Variants in PTPN11 observed in about 807,000 individuals in gnomAD.
PTPN11 encodes protein tyrosine phosphatase non-receptor type 11.
Under a neutral mutation model 78.8 loss-of-function variants are expected in PTPN11, and 6 were observed. The observed-to-expected ratio is 0.08, with a 90% CI of 0.04 to 0.15. The LOEUF is 0.15. Ranked by LOEUF, PTPN11 falls within the 10% of genes least tolerant of loss-of-function variation. The probability of loss-of-function intolerance (pLI) is 1.00; values close to 1 mark genes in which losing one functional copy is unlikely to be tolerated. For synonymous variants in PTPN11, 221 were observed against 263.5 expected (o/e 0.84, Z 1.56); for missense variants, 386 against 744.8 (o/e 0.52, Z 5.61).
In PTPN11 at chr12:112,418,952, C is replaced by G; in HGVS notation, c.-160C>G. On this transcript the variant is annotated 5_prime_UTR_variant, in exon 1 of 16. Coordinates refer to ENST00000351677, the MANE Select transcript of PTPN11 (RefSeq NM_002834.5). ...GGGCCGGGGGGCAGCTGCACAGTCT[C>G]CGGGATCCCCAGGCCTGGAGGGGGG... 1.2e-6 allele frequency: 1 copy of G among 860,466 alleles called. No homozygotes were observed. The highest frequency in any genetic ancestry group is 1.8e-6 in the Non-Finnish European group (1 of 549,176). 53.3% of individuals were successfully genotyped at this position (860,466 alleles called of 1,614,324 possible). A position where few individuals can be genotyped will look rare whatever the true frequency, so the allele number is the denominator to read the frequency against.
chr12:112,494,204 A>C (rs2038787604), intron 13 of PTPN11, among the ~76,000 whole-genome samples: 1 of 152,208 alleles, frequency 6.6e-6, no homozygotes, highest in Non-Finnish European at 1.5e-5. Context: ...CAGTGAGCCA[A>C]GATGGTGCCA....
intron 6 of PTPN11, among the ~76,000 whole-genome samples, chr12:112,460,501 G>C (rs915465138): frequency 1.3e-5 from 2 of 151,964 alleles, no homozygotes; most frequent in African/African-American, 2.4e-5. Flanking sequence ...TCATTTTTCA[G>C]ATAAGCTTCA....
intron 13 of PTPN11, among the ~76,000 whole-genome samples, chr12:112,491,265 C>T (rs1452102646): frequency 7.0e-6 from 1 of 143,414 alleles, no homozygotes; most frequent in Non-Finnish European, 1.5e-5. Context: ...CTTCCAACTA[C>T]AGTAGTGAAA....
rs79532022 is a variant in PTPN11 at position 112,428,652 on chromosome 12, A to G, written c.14+9527A>G. On this transcript the variant is annotated intron_variant, in intron 1 of 15. Coordinates refer to ENST00000351677, the MANE Select transcript of PTPN11 (RefSeq NM_002834.5). ...TTTTGGTAATTATGAATACTTTTGG[A>G]AAAAAAAAAGCTATGGAAGGAAAGT... 1.4e-3 allele frequency among the ~76,000 whole-genome samples: 208 copies of G among 144,594 alleles called. 2 individuals are homozygous for G. The East Asian group carries it at 0.02, about 14-fold the overall frequency. The allele number at this position is 144,594 out of a possible 152,430, so 94.9% of individuals were successfully genotyped here.
intron 13 of PTPN11, among the ~76,000 whole-genome samples, chr12:112,499,548 C>T (rs2038849638): frequency 6.6e-6 from 1 of 152,058 alleles, no homozygotes; most frequent in South Asian, 2.1e-4. Flanking sequence ...CCATGTTGGC[C>T]AGGTTTGTCT....
Position 112,425,169 on chromosome 12 carries a change from A to AT in PTPN11, c.14+6048dup, listed in dbSNP as rs550562542. Among the ~76,000 whole-genome samples, 216 of 152,080 alleles carry AT rather than the reference A, an allele frequency of 1.4e-3. 2 individuals are homozygous for AT. Among genetic ancestry groups the AT allele is most frequent in the African/African-American group, 5.1e-3 (210 of 41,498 alleles). ...GTGCCCACCTAACAACTTTAAAAAA[A>AT]TTTTGACATTTAGTAGGATATTTAT... On this transcript the variant is annotated intron_variant, in intron 1 of 15. Transcript: ENST00000351677.
Position 112,447,129 on chromosome 12 carries a change from A to G in PTPN11, c.137+731A>G, listed in dbSNP as rs376048312. Among the ~76,000 whole-genome samples, 184 of 152,250 alleles carry G rather than the reference A, an allele frequency of 1.2e-3. 1 individual carries two copies. The highest frequency in any genetic ancestry group is 4.3e-3 in the African/African-American group (177 of 41,534). On this transcript the variant is annotated intron_variant, in intron 2 of 15. Transcript: ENST00000351677. ...AGTGATCCTCCTGCCTCAGCCTCCC[A>G]AAGTGTTGGGATTACAGGCATGAGC... is the stretch of plus-strand genomic sequence containing the variant.
At chr12:112,464,473 C>T (rs1199975007) in intron 6 of PTPN11, among the ~76,000 whole-genome samples, 1 of 152,038 alleles carries the variant, frequency 6.6e-6, no homozygotes, top group Non-Finnish European at 1.5e-5. Flanking sequence ...CTCACTCTGT[C>T]ACCCAGGCTG....
At chr12:112,484,680 A>G (rs903539922) in intron 10 of PTPN11, among the ~76,000 whole-genome samples, 5 of 152,178 alleles carry the variant, frequency 3.3e-5, no homozygotes, top group Non-Finnish European at 7.4e-5. Flanking sequence ...GGCTGAATCT[A>G]TGGTAGAGAT....
chr12:112,419,236 T>A, intron 1 of PTPN11, 111 bp downstream of exon 1: 1 of 1,200,016 alleles, frequency 8.3e-7, no homozygotes, highest in Non-Finnish European at 1.1e-6. Flanking sequence ...CCGCCCCGGG[T>A]CGGGGTTGGG....
chr12:112,472,576 C>T (rs9669704), intron 6 of PTPN11, among the ~76,000 whole-genome samples: 5,906 of 151,862 alleles, frequency 0.039, 262 homozygotes, highest in African/African-American at 0.11. Context: ...CTCTTTCGCC[C>T]AGGCTGGAGT....
chr12:112,425,237 T>C (rs2037598718), intron 1 of PTPN11, among the ~76,000 whole-genome samples: 1 of 152,036 alleles, frequency 6.6e-6, no homozygotes, highest in Non-Finnish European at 1.5e-5. Flanking sequence ...ACAACTGAAA[T>C]GTTCATCAGT....
intron 1 of PTPN11, 139 bp downstream of exon 1, chr12:112,419,264 T>A: frequency 1.2e-6 from 1 of 847,234 alleles, no homozygotes; most frequent in Non-Finnish European, 1.6e-6. Flanking sequence ...TCCCTCCTCG[T>A]CCCCTCGCCC....
intron 1 of PTPN11, among the ~76,000 whole-genome samples, chr12:112,425,715 C>T (rs769572088): frequency 1.3e-5 from 2 of 151,974 alleles, no homozygotes; most frequent in Non-Finnish European, 2.9e-5. Flanking sequence ...GACTTTGGAT[C>T]CCTAGTTTAA....
chr12:112,490,360 G>A (rs1021647242), intron 13 of PTPN11, among the ~76,000 whole-genome samples: 2 of 146,054 alleles, frequency 1.4e-5, no homozygotes, highest in South Asian at 4.3e-4. Context: ...AGGCTGGAGT[G>A]CAGTGGTGTA....
At chr12:112,465,401 C>T (rs1034023804) in intron 6 of PTPN11, among the ~76,000 whole-genome samples, 3 of 150,708 alleles carry the variant, frequency 2.0e-5, no homozygotes, top group Non-Finnish European at 4.4e-5. Context: ...TGCCACTGCA[C>T]TCCAGCCTGA....
chr12:112,445,957 T>C (rs994269276), intron 1 of PTPN11, among the ~76,000 whole-genome samples: 3 of 152,134 alleles, frequency 2.0e-5, no homozygotes, highest in Non-Finnish European at 4.4e-5. Context: ...TATTTATTTT[T>C]ATTCCATGTG....
At chr12:112,465,420 C>CAA (rs78570969) in intron 6 of PTPN11, among the ~76,000 whole-genome samples, 6 of 90,772 alleles carry the variant, frequency 6.6e-5, no homozygotes, top group African/African-American at 1.2e-4. Flanking sequence ...GAGTGTATCA[C>CAA]AAAAAAAAAA....
At chr12:112,447,104 A>G (rs1459658196) in intron 2 of PTPN11, among the ~76,000 whole-genome samples, 1 of 151,678 alleles carries the variant, frequency 6.6e-6, no homozygotes, top group Non-Finnish European at 1.5e-5. Context: ...CTTAGCCTCA[A>G]GTGATCCTCC....
Sources: allele counts gnomAD v4.1 joint callset (sites outside exome capture counted in the v4.1 genomes callset), GRCh38; gene constraint gnomAD v4.1.1; transcripts MANE v1.5; gene names NCBI Gene and HGNC (gene_info 2026-07-23, HGNC 2026-07-21).